CDIN1: variants seen among roughly 807,000 people sequenced by gnomAD.
The protein encoded by CDIN1 is CDAN1-interacting nuclease 1.
In CDIN1, 33 loss-of-function variants were observed where a neutral mutation model predicts 45.3. That is an observed-to-expected ratio of 0.73 (90% confidence interval 0.55 to 0.97). The LOEUF is 0.97. Ranked by LOEUF, CDIN1 falls within the 50% of genes least tolerant of loss-of-function variation. The pLI, the probability that CDIN1 is intolerant of heterozygous loss-of-function variation, is 0.00. For missense variants in CDIN1, 303 were observed against 339.4 expected (o/e 0.89, Z 0.84); for synonymous variants, 118 against 124.4 (o/e 0.95, Z 0.34).
chr15:36,756,010 C>A (rs543317918), intron 10 of CDIN1: 3 of 455,298 alleles, frequency 6.6e-6, no homozygotes, highest in African/African-American at 6.0e-5. Flanking sequence ...GTCTTTATCA[C>A]CTCTGTGCTG....
chr15:36,676,021 G>A (rs1053354318), intron 5 of CDIN1, among the ~76,000 whole-genome samples: 1 of 152,056 alleles, frequency 6.6e-6, no homozygotes, highest in Non-Finnish European at 1.5e-5. Flanking sequence ...AAATTGAATA[G>A]CGGTGTTTTC....
intron 4 of CDIN1, among the ~76,000 whole-genome samples, chr15:36,657,236 T>C (rs1037084992): frequency 2.0e-5 from 3 of 152,114 alleles, no homozygotes; most frequent in Admixed American, 6.5e-5. Context: ...AGATATTATA[T>C]TGTTGTAATT....
intron 10 of CDIN1, among the ~76,000 whole-genome samples, chr15:36,808,102 G>C (rs1398319183): frequency 6.6e-6 from 1 of 152,110 alleles, no homozygotes; most frequent in Non-Finnish European, 1.5e-5. Flanking sequence ...AAATACTTCA[G>C]GTTTCTGGAA....
At chr15:36,786,402 T>C (rs2381876) in intron 10 of CDIN1, among the ~76,000 whole-genome samples, 60,558 of 152,066 alleles carry the variant, frequency 0.4, 13,641 homozygotes, top group Middle Eastern at 0.62. Context: ...ATAGATTTTT[T>C]AATCGTAGTT....
chr15:36,719,834 T>TC (rs1346788389), intron 10 of CDIN1, among the ~76,000 whole-genome samples: 1 of 152,178 alleles, frequency 6.6e-6, no homozygotes, highest in Non-Finnish European at 1.5e-5. Flanking sequence ...GCCTTTTTTT[T>TC]CTTGAATGAG....
At chr15:36,766,086 T>C (rs2053916961) in intron 10 of CDIN1, among the ~76,000 whole-genome samples, 1 of 152,232 alleles carries the variant, frequency 6.6e-6, no homozygotes, top group Non-Finnish European at 1.5e-5. Context: ...TCCCGGTCCC[T>C]GGCAACTACC....
chr15:36,736,155 A>G (rs1265205410), intron 10 of CDIN1, among the ~76,000 whole-genome samples: 1 of 152,228 alleles, frequency 6.6e-6, no homozygotes, highest in African/African-American at 2.4e-5. Context: ...CTGAGAAGGT[A>G]GAGAACTCCC....
At chr15:36,718,704 A>G (rs1287271798) in intron 10 of CDIN1, among the ~76,000 whole-genome samples, 2 of 152,034 alleles carry the variant, frequency 1.3e-5, no homozygotes, top group Admixed American at 1.3e-4. Flanking sequence ...ATACTGCAAT[A>G]AAACCCATTT....
intron 10 of CDIN1, among the ~76,000 whole-genome samples, chr15:36,751,227 T>TATATATA (rs1491560687): frequency 1.7e-4 from 6 of 34,392 alleles, no homozygotes; most frequent in East Asian, 2.3e-3. Flanking sequence ...TATATGCTTA[T>TATATATA]TTTATATATA....
chr15:36,700,278 A>G (rs192716344), intron 8 of CDIN1, among the ~76,000 whole-genome samples: 3 of 152,298 alleles, frequency 2.0e-5, no homozygotes, highest in Admixed American at 2.0e-4. Flanking sequence ...CAGTGCTCAT[A>G]GTCAAGCACC....
chr15:36,612,415 G>T (rs542913515), intron 1 of CDIN1, among the ~76,000 whole-genome samples: 4 of 152,224 alleles, frequency 2.6e-5, no homozygotes, highest in East Asian at 1.9e-4. Context: ...ATTTCTGTAC[G>T]GTATAATCCA....
chr15:36,767,178 A>AAC (rs1478373713), intron 10 of CDIN1, among the ~76,000 whole-genome samples: 1 of 151,688 alleles, frequency 6.6e-6, no homozygotes, highest in Non-Finnish European at 1.5e-5. Context: ...CAGCAGTTAA[A>AAC]AAAAATGGAT....
intron 1 of CDIN1, among the ~76,000 whole-genome samples, chr15:36,596,916 A>G (rs2037862809): frequency 6.6e-6 from 1 of 152,220 alleles, no homozygotes; most frequent in African/African-American, 2.4e-5. Context: ...TTAAATGCAT[A>G]TTATTATAAA....
At chr15:36,787,712 G>A (rs193100482) in intron 10 of CDIN1, among the ~76,000 whole-genome samples, 27 of 151,706 alleles carry the variant, frequency 1.8e-4, no homozygotes, top group East Asian at 1.2e-3. Context: ...GATTTTAATC[G>A]TACTATAGAG....
At chr15:36,729,943 A>G (rs148700808) in intron 10 of CDIN1, among the ~76,000 whole-genome samples, 1 of 152,290 alleles carries the variant, frequency 6.6e-6, no homozygotes, top group East Asian at 1.9e-4. Context: ...TCAAGTTATT[A>G]TTATCAAAGA....
At chr15:36,732,122 C>A (rs1212960890) in intron 10 of CDIN1, among the ~76,000 whole-genome samples, 2 of 152,064 alleles carry the variant, frequency 1.3e-5, no homozygotes, top group Admixed American at 6.6e-5. Flanking sequence ...CAGAAATGTC[C>A]CAGGACTTCC....
intron 1 of CDIN1, among the ~76,000 whole-genome samples, chr15:36,584,936 T>C (rs1416851687): frequency 1.3e-5 from 2 of 152,240 alleles, no homozygotes; most frequent in Non-Finnish European, 2.9e-5. Context: ...CTTTCTGTAA[T>C]GGGCCCTTTG....
rs1267303313 is a variant in CDIN1, at chr15:36,808,721, T to A, written c.*268T>A. ...TGTCAAACAATTAGTTTATAGATAG[T>A]CATAATCTTTCTTTCTTCCGGATGG... is the stretch of plus-strand genomic sequence containing the variant. On this transcript the variant is annotated 3_prime_UTR_variant, in exon 11 of 11. Transcript: ENST00000566621. The A allele has an allele frequency of 2.2e-5, 11 of 494,068 alleles. No individual in the cohort carries two copies. The highest frequency in any genetic ancestry group is 4.1e-5 in the Non-Finnish European group (11 of 268,532). 30.6% of individuals were successfully genotyped at this position (494,068 alleles called of 1,614,324 possible).
chr15:36,791,538 TTATACCA>T (rs1309625736), intron 10 of CDIN1, among the ~76,000 whole-genome samples: 1 of 152,190 alleles, frequency 6.6e-6, no homozygotes, highest in Non-Finnish European at 1.5e-5. Context: ...ATGGATTTTA[TTATACCA>T]TATATCTGTA....
Sources: allele counts gnomAD v4.1 joint callset (sites outside exome capture counted in the v4.1 genomes callset), GRCh38; gene constraint gnomAD v4.1.1; transcripts MANE v1.5; gene names NCBI Gene and HGNC (gene_info 2026-07-23, HGNC 2026-07-21).